Variants in SPATA13 observed in about 807,000 individuals in gnomAD.
The protein encoded by SPATA13 is spermatogenesis associated 13, also known as spermatogenesis-associated protein 13.
Under a neutral mutation model 104.0 loss-of-function variants are expected in SPATA13, and 50 were observed. The observed-to-expected ratio is 0.48, with a 90% CI of 0.38 to 0.61. SPATA13 has a LOEUF of 0.61. Among genes scored for constraint, SPATA13 ranks in the 20% least tolerant of loss-of-function variants. The probability of loss-of-function intolerance (pLI) is 0.00; values close to 1 mark genes in which losing one functional copy is unlikely to be tolerated. For missense variants in SPATA13, 1,524 were observed against 1,690.6 expected, an observed-to-expected ratio of 0.90 and a Z score of 1.73; for synonymous variants, 606 against 667.5, an observed-to-expected ratio of 0.91 and a Z score of 1.42.
At chr13:24,143,088 G>A (rs1249269477) in intron 3 of SPATA13, among the ~76,000 whole-genome samples, 1 of 152,204 alleles carries the variant, frequency 6.6e-6, no homozygotes, top group African/African-American at 2.4e-5. Flanking sequence ...GCAGGCGAGA[G>A]GCAGGAAGGG....
intron 3 of SPATA13, among the ~76,000 whole-genome samples, chr13:24,150,646 T>C (rs757044982): frequency 9.2e-5 from 14 of 152,134 alleles, no homozygotes; most frequent in Non-Finnish European, 1.5e-4. Flanking sequence ...TAAAAGTTGA[T>C]GTTGAAGTCT....
intron 3 of SPATA13, among the ~76,000 whole-genome samples, chr13:24,126,480 G>A (rs549103584): frequency 6.6e-6 from 1 of 152,220 alleles, no homozygotes; most frequent in South Asian, 2.1e-4. Flanking sequence ...TGTCTATTCT[G>A]GAGTTTCCCT....
At chr13:23,985,564 G>A (rs192119527) in intron 2 of SPATA13, among the ~76,000 whole-genome samples, 94 of 152,340 alleles carry the variant, frequency 6.2e-4, no homozygotes, top group Admixed American at 2.5e-3. Context: ...GGTTGTGTCT[G>A]CCCCAGTGTG....
intron 3 of SPATA13, among the ~76,000 whole-genome samples, chr13:24,032,462 T>C (rs917647425): frequency 6.6e-6 from 1 of 152,192 alleles, no homozygotes; most frequent in Non-Finnish European, 1.5e-5. Context: ...TAGGAATAAA[T>C]GGAATGTTGT....
chr13:24,111,486 C>T (rs780915812), intron 3 of SPATA13, among the ~76,000 whole-genome samples: 6 of 151,398 alleles, frequency 4.0e-5, no homozygotes, highest in Admixed American at 1.3e-4. Context: ...CGGCTCACTG[C>T]AGCCTCAACC....
chr13:24,145,737 A>G lies in SPATA13; in HGVS notation c.-111-77082A>G, dbSNP rs147671474. On this transcript the variant is annotated intron_variant, in intron 3 of 14. Transcript: ENST00000424834. ...GGAGAGAATTGTGCATGATCAATAA[A>G]TAGAGAACGGCTAATTTTCAAATTG... Among the ~76,000 whole-genome samples, 5 of 152,364 alleles carry G rather than the reference A, an allele frequency of 3.3e-5. No individual in the cohort carries two copies. The East Asian group carries it at 7.7e-4, about 24-fold the overall frequency.
intron 3 of SPATA13, among the ~76,000 whole-genome samples, chr13:24,131,973 G>A (rs957241261): frequency 3.3e-5 from 5 of 152,196 alleles, no homozygotes; most frequent in African/African-American, 1.2e-4. Context: ...CAGCTTCCCT[G>A]ACTCCCTTGC....
intron 3 of SPATA13, among the ~76,000 whole-genome samples, chr13:24,107,056 GA>G (rs972516312): frequency 6.7e-5 from 10 of 148,162 alleles, no homozygotes; most frequent in Non-Finnish European, 7.5e-5. Flanking sequence ...TAAGGACGGG[GA>G]AAAAAAAAAG....
At chr13:24,135,148 T>G (rs1380882739) in intron 3 of SPATA13, among the ~76,000 whole-genome samples, 2 of 152,170 alleles carry the variant, frequency 1.3e-5, no homozygotes, top group African/African-American at 4.8e-5. Context: ...AATAAATTTC[T>G]ATTGTATAAG....
At chr13:24,057,999 G>T (rs1878628208) in intron 3 of SPATA13, among the ~76,000 whole-genome samples, 1 of 151,746 alleles carries the variant, frequency 6.6e-6, no homozygotes, top group African/African-American at 2.4e-5. Context: ...GATGTTCATG[G>T]CCAAATTCAA....
At chr13:24,082,012 G>T (rs778053035) in intron 3 of SPATA13, among the ~76,000 whole-genome samples, 1 of 152,166 alleles carries the variant, frequency 6.6e-6, no homozygotes, top group Non-Finnish European at 1.5e-5. Flanking sequence ...TATTGGTCTC[G>T]AATGGCTGCA....
chr13:24,158,871 G>A (rs1324838995), upstream of SPATA13, among the ~76,000 whole-genome samples: 3 of 152,156 alleles, frequency 2.0e-5, no homozygotes, highest in African/African-American at 7.2e-5. Flanking sequence ...CAAGGATGCG[G>A]GGGTCTTCAG....
intron 1 of SPATA13, among the ~76,000 whole-genome samples, chr13:24,174,859 G>C: frequency 6.6e-6 from 1 of 152,176 alleles, no homozygotes; most frequent in Non-Finnish European, 1.5e-5. Context: ...GATTACAGGC[G>C]TGAGCCCCTG....
rs772619502 is a variant in SPATA13 at position 24,290,715 on chromosome 13, G to T, written c.2911G>T (p.Ala971Ser). ...NNHPGACLEL[A>S]NLMKQGKYRH... ...CCACCCGGGCGCCTGCCTGGAGCTC[G>T]CCAACCTCATGAAGCAGGGCAAGTA... The change falls in exon 9 of 13, where the codon GCC becomes TCC. Residue 971 changes from alanine (A) to serine (S), a missense_variant. Ala to Ser is a moderately conservative substitution (Grantham distance 99, BLOSUM62 1). Coordinates refer to ENST00000382108, the MANE Select transcript of SPATA13 (RefSeq NM_001166271.3). 1.2e-6 allele frequency: 2 copies of T among 1,614,162 alleles called. No individual in the cohort carries two copies. The highest frequency in any genetic ancestry group is 1.7e-6 in the Non-Finnish European group (2 of 1,180,036).
At chr13:24,171,433 GT>G (rs1196749192) in intron 1 of SPATA13, among the ~76,000 whole-genome samples, 1 of 152,186 alleles carries the variant, frequency 6.6e-6, no homozygotes, top group East Asian at 1.9e-4. Flanking sequence ...CTCACGTATG[GT>G]TTCCTGTTGA....
intron 4 of SPATA13, among the ~76,000 whole-genome samples, chr13:24,278,243 A>G (rs1274243991): frequency 6.6e-6 from 1 of 152,130 alleles, no homozygotes; most frequent in Non-Finnish European, 1.5e-5. Flanking sequence ...AGTGGGTAAG[A>G]GTTAGATGGC....
At chr13:24,271,615 C>G (rs1874618367) in intron 4 of SPATA13, among the ~76,000 whole-genome samples, 1 of 152,178 alleles carries the variant, frequency 6.6e-6, no homozygotes, top group Non-Finnish European at 1.5e-5. Context: ...AAACTCTAAT[C>G]CTCACATTCT....
chr13:23,998,333 A>ATTTTTC (rs1160862376), intron 2 of SPATA13, among the ~76,000 whole-genome samples: 36 of 152,208 alleles, frequency 2.4e-4, no homozygotes, highest in African/African-American at 8.4e-4. Context: ...GACTAATGAC[A>ATTTTTC]TTGAGCTTTT....
chr13:24,128,663 G>A (rs956757718), intron 3 of SPATA13, among the ~76,000 whole-genome samples: 2 of 151,438 alleles, frequency 1.3e-5, no homozygotes, highest in African/African-American at 4.9e-5. Flanking sequence ...GTGGAAACAG[G>A]ACTCCCGGGA....
Sources: allele counts gnomAD v4.1 joint callset (sites outside exome capture counted in the v4.1 genomes callset), GRCh38; gene constraint gnomAD v4.1.1; transcripts MANE v1.5; gene names NCBI Gene and HGNC (gene_info 2026-07-23, HGNC 2026-07-21).